Variants in PRKG1 observed in about 807,000 individuals in gnomAD.
The protein encoded by PRKG1 is cGMP-dependent protein kinase 1.
PRKG1 carries 35 observed loss-of-function variants against 88.1 expected under a neutral mutation model. That is an observed-to-expected ratio of 0.40 (90% CI 0.30 to 0.53). The LOEUF (loss-of-function observed/expected upper bound fraction) is 0.53. PRKG1 is among the 20% of genes least tolerant of loss of function. The probability of loss-of-function intolerance (pLI) is 0.59; values close to 1 mark genes in which losing one functional copy is unlikely to be tolerated. For synonymous variants in PRKG1, 303 were observed against 292.5 expected (o/e 1.04, Z -0.37); for missense variants, 540 against 839.8 (o/e 0.64, Z 4.41).
At chr10:51,329,156 ACCTTTT>A (rs1401217895) in intron 2 of PRKG1, among the ~76,000 whole-genome samples, 1 of 152,070 alleles carries the variant, frequency 6.6e-6, no homozygotes, top group Non-Finnish European at 1.5e-5. Flanking sequence ...ATGTCATGGA[ACCTTTT>A]CCCTAGGTTT....
At chr10:52,005,789 T>C (rs1844719467) in intron 5 of PRKG1, among the ~76,000 whole-genome samples, 1 of 151,956 alleles carries the variant, frequency 6.6e-6, no homozygotes, top group South Asian at 2.1e-4. Context: ...GAGCCATACA[T>C]GCTGGAGGTT....
intron 4 of PRKG1, among the ~76,000 whole-genome samples, chr10:51,855,541 C>T (rs1021624361): frequency 3.9e-5 from 6 of 152,214 alleles, no homozygotes; most frequent in African/African-American, 1.2e-4. Flanking sequence ...CAATCATTCT[C>T]TCAGTCCAAG....
In PRKG1 at chr10:51,737,622, A is replaced by G. The variant is rs567607903; in HGVS notation, c.593-66963A>G. ...CCTGGTTTGTGCAAGTCATCTACAG[A>G]GCTATTAGAAAAGTTTCTGGTTCCT... On this transcript the variant is annotated intron_variant, in intron 3 of 17. Transcript: ENST00000373980. Among the ~76,000 whole-genome samples the G allele has an allele frequency of 2.0e-4, 30 of 152,104 alleles. No homozygotes were observed. In the South Asian group the frequency reaches 5.2e-3, roughly 26 times the overall value.
chr10:52,074,582 T>C (rs549408511), intron 7 of PRKG1, among the ~76,000 whole-genome samples: 1 of 152,322 alleles, frequency 6.6e-6, no homozygotes, highest in Non-Finnish European at 1.5e-5. Context: ...CACTTGGAGT[T>C]AATTTTCTTG....
Position 52,294,077 on chromosome 10 carries a change from C to T in PRKG1, c.*177C>T. On this transcript the variant is annotated 3_prime_UTR_variant, in exon 18 of 18. Coordinates refer to ENST00000373980, the MANE Select transcript of PRKG1 (RefSeq NM_006258.4). ...ACTTACCGCTTAGATGACAATAGTG[C>T]TCTTTACATGTTTTCTGTTTGAACC... The T allele has an allele frequency of 2.0e-6, 1 of 507,450 alleles. No homozygotes were observed. The highest frequency in any genetic ancestry group is 3.5e-6 in the Non-Finnish European group (1 of 287,472). The allele number at this position is 507,450 out of a possible 1,614,324, so 31.4% of individuals were successfully genotyped here. A position where few individuals can be genotyped will look rare whatever the true frequency, so the allele number is the denominator to read the frequency against.
At chr10:51,904,104 A>C (rs978737375) in intron 4 of PRKG1, among the ~76,000 whole-genome samples, 2 of 152,162 alleles carry the variant, frequency 1.3e-5, no homozygotes. Flanking sequence ...ACATTAGATC[A>C]TCTCTATTAT....
intron 1 of PRKG1, among the ~76,000 whole-genome samples, chr10:51,103,209 G>C (rs1220513964): frequency 6.6e-6 from 1 of 152,034 alleles, no homozygotes; most frequent in East Asian, 1.9e-4. Context: ...CATAGAAGGG[G>C]GTCATTAAAG....
chr10:52,204,585 A>G (rs1839766590), intron 9 of PRKG1, among the ~76,000 whole-genome samples: 1 of 152,142 alleles, frequency 6.6e-6, no homozygotes, highest in Non-Finnish European at 1.5e-5. Flanking sequence ...GTCTGAACAT[A>G]AATTGTGAAG....
At chr10:51,562,658 G>A (rs555786669) in intron 3 of PRKG1, among the ~76,000 whole-genome samples, 2 of 152,230 alleles carry the variant, frequency 1.3e-5, no homozygotes, top group South Asian at 4.1e-4. Context: ...GATTGTCACA[G>A]CTGGAGTCTC....
At chr10:51,038,432 A>G (rs1441468931) in intron 1 of PRKG1, among the ~76,000 whole-genome samples, 1 of 152,158 alleles carries the variant, frequency 6.6e-6, no homozygotes, top group East Asian at 1.9e-4. Context: ...CATTGTATCT[A>G]ACTATATTTT....
At chr10:51,572,257 A>G (rs925566027) in intron 3 of PRKG1, among the ~76,000 whole-genome samples, 2 of 151,834 alleles carry the variant, frequency 1.3e-5, no homozygotes, top group African/African-American at 4.8e-5. Flanking sequence ...GTGCCATGTG[A>G]TATTTTGCAT....
At chr10:52,057,211 G>A (rs1381218534) in intron 6 of PRKG1, among the ~76,000 whole-genome samples, 5 of 152,184 alleles carry the variant, frequency 3.3e-5, no homozygotes, top group Admixed American at 1.3e-4. Context: ...ACTTATTTAA[G>A]TGTAAAACAA....
intron 1 of PRKG1, among the ~76,000 whole-genome samples, chr10:51,143,841 T>A (rs965169898): frequency 1.3e-5 from 2 of 152,036 alleles, no homozygotes; most frequent in African/African-American, 4.8e-5. Flanking sequence ...TGCTACTGAG[T>A]TATTTGAGTT....
At chr10:51,728,507 C>T (rs986627127) in intron 3 of PRKG1, among the ~76,000 whole-genome samples, 2 of 140,076 alleles carry the variant, frequency 1.4e-5, no homozygotes. Flanking sequence ...ACAAAATCCT[C>T]ACTCTCAAGG....
chr10:51,616,585 G>A (rs1257582304), intron 3 of PRKG1, among the ~76,000 whole-genome samples: 1 of 152,094 alleles, frequency 6.6e-6, no homozygotes, highest in Non-Finnish European at 1.5e-5. Context: ...GATGGAATGG[G>A]CTGGGAAATC....
chr10:51,568,984 A>G (rs958978212), intron 3 of PRKG1, among the ~76,000 whole-genome samples: 2 of 152,040 alleles, frequency 1.3e-5, no homozygotes, highest in African/African-American at 4.8e-5. Flanking sequence ...TTTCAGGTGC[A>G]TATCTGTAGT....
At chr10:51,932,288 A>T (rs951349016) in intron 5 of PRKG1, among the ~76,000 whole-genome samples, 3 of 152,024 alleles carry the variant, frequency 2.0e-5, no homozygotes, top group Non-Finnish European at 4.4e-5. Flanking sequence ...AATACCATAC[A>T]GTCTGGAAAA....
At chr10:51,089,014 A>G (rs1844330835) in intron 1 of PRKG1, among the ~76,000 whole-genome samples, 1 of 152,138 alleles carries the variant, frequency 6.6e-6, no homozygotes, top group Non-Finnish European at 1.5e-5. Context: ...TGGTCATGAT[A>G]ATCCCTATCA....
chr10:51,418,323 G>A (rs987023383), intron 2 of PRKG1, among the ~76,000 whole-genome samples: 1 of 152,114 alleles, frequency 6.6e-6, no homozygotes, highest in African/African-American at 2.4e-5. Context: ...GTCCCTAACT[G>A]AATAAGGGAT....
Sources: gnomAD v4.1 joint callset for allele counts (sites outside exome capture counted in the v4.1 genomes callset) on GRCh38, gnomAD v4.1.1 for gene constraint, MANE v1.5 for transcripts, NCBI Gene and HGNC (gene_info 2026-07-23, HGNC 2026-07-21) for gene names.